BICD1: variants seen among roughly 807,000 people sequenced by gnomAD.
BICD1 encodes the protein protein bicaudal D homolog 1.
BICD1 carries 35 observed loss-of-function variants against 92.5 expected under a neutral mutation model. The observed-to-expected ratio is 0.38, with a 90% CI of 0.29 to 0.50. The LOEUF (loss-of-function observed/expected upper bound fraction) is 0.50, where lower values mean the gene tolerates loss of function less well. BICD1 is among the 20% of genes least tolerant of loss of function. The pLI, the probability that BICD1 is intolerant of heterozygous loss-of-function variation, is 0.93. For synonymous variants in BICD1, 429 were observed against 465.1 expected (o/e 0.92, Z 1.00); for missense variants, 950 against 1,189.8 (o/e 0.80, Z 2.97).
intron 1 of BICD1, among the ~76,000 whole-genome samples, chr12:32,185,864 CA>C (rs1463463947): frequency 6.6e-6 from 1 of 152,216 alleles, no homozygotes; most frequent in Non-Finnish European, 1.5e-5. Context: ...CTCACCACGC[CA>C]TTTCATCTTT....
At chr12:32,154,851 A>G (rs1318051043) in intron 1 of BICD1, among the ~76,000 whole-genome samples, 1 of 152,182 alleles carries the variant, frequency 6.6e-6, no homozygotes, top group Admixed American at 6.5e-5. Flanking sequence ...ATCATACACT[A>G]AATGGTATCT....
chr12:32,246,515 A>G (rs1270118277), intron 2 of BICD1, among the ~76,000 whole-genome samples: 2 of 151,894 alleles, frequency 1.3e-5, no homozygotes, highest in Admixed American at 1.3e-4. Flanking sequence ...CCGTGTGCCT[A>G]TAGTCTCAAC....
intron 3 of BICD1, among the ~76,000 whole-genome samples, chr12:32,304,894 T>A (rs1274652536): frequency 6.6e-6 from 1 of 152,106 alleles, no homozygotes; most frequent in Non-Finnish European, 1.5e-5. Flanking sequence ...CCAGGTATGG[T>A]GGCACATGCC....
Position 32,346,560 on chromosome 12 carries a change from A to ACG in BICD1, c.2764+7581_2764+7582insCG, listed in dbSNP as rs1257647602. Among the ~76,000 whole-genome samples, 22 of 21,158 alleles carry ACG rather than the reference A, an allele frequency of 1.0e-3. 3 individuals carry two copies. Among genetic ancestry groups the ACG allele is most frequent in the Non-Finnish European group, 1.3e-3 (17 of 12,846 alleles). 13.9% of individuals were successfully genotyped at this position (21,158 alleles called of 152,430 possible). ...TGTATATATATATATATATATATAT[A>ACG]TATATATATATATATATATATACGT... On this transcript the variant is annotated intron_variant, in intron 8 of 9. Coordinates refer to ENST00000652176, the MANE Select transcript of BICD1 (RefSeq NM_001714.4).
At chr12:32,249,174 T>TG (rs983358615) in intron 2 of BICD1, among the ~76,000 whole-genome samples, 3 of 151,950 alleles carry the variant, frequency 2.0e-5, no homozygotes, top group Non-Finnish European at 4.4e-5. Context: ...GAACTTCAGG[T>TG]GGGTAGGGTA....
chr12:32,134,703 T>A (rs1465844839), intron 1 of BICD1, among the ~76,000 whole-genome samples: 2 of 152,166 alleles, frequency 1.3e-5, no homozygotes, highest in African/African-American at 2.4e-5. Context: ...AAAGTCTTGA[T>A]AACAGTAGTG....
At chr12:32,278,447 T>G (rs1033264512) in intron 2 of BICD1, among the ~76,000 whole-genome samples, 1 of 152,148 alleles carries the variant, frequency 6.6e-6, no homozygotes, top group Admixed American at 6.5e-5. Context: ...CAGGGTAGAT[T>G]ATAGAAAAGA....
intron 1 of BICD1, among the ~76,000 whole-genome samples, chr12:32,212,213 G>A (rs1241181468): frequency 6.7e-6 from 1 of 148,590 alleles, no homozygotes; most frequent in Admixed American, 6.7e-5. Context: ...GTGTTTTTTT[G>A]TTTTTGTTTT....
chr12:32,225,722 G>A (rs55953521), intron 2 of BICD1, among the ~76,000 whole-genome samples: 12,321 of 144,900 alleles, frequency 0.085, 563 homozygotes, highest in Middle Eastern at 0.13. Flanking sequence ...CCGGGTTCAA[G>A]TGATTTTCCT....
chr12:32,246,578 C>T (rs978801228), intron 2 of BICD1, among the ~76,000 whole-genome samples: 2 of 152,040 alleles, frequency 1.3e-5, no homozygotes, highest in Non-Finnish European at 2.9e-5. Flanking sequence ...GTTGAGGCTG[C>T]AGTGAGCTGT....
chr12:32,155,439 A>G (rs1943410426), intron 1 of BICD1, among the ~76,000 whole-genome samples: 1 of 152,222 alleles, frequency 6.6e-6, no homozygotes, highest in Non-Finnish European at 1.5e-5. Flanking sequence ...AATTTTTAAA[A>G]TCATGATATC....
intron 1 of BICD1, among the ~76,000 whole-genome samples, chr12:32,122,773 G>A (rs10844131): frequency 0.37 from 56,216 of 152,070 alleles, 11,736 homozygotes; most frequent in Middle Eastern, 0.57. Flanking sequence ...AACGAAGAAA[G>A]CTCTAGACCA....
At chr12:32,301,958 C>T (rs1313902538) in intron 3 of BICD1, among the ~76,000 whole-genome samples, 1 of 152,156 alleles carries the variant, frequency 6.6e-6, no homozygotes, top group Non-Finnish European at 1.5e-5. Context: ...GCGATCTCGG[C>T]TCACTGCAAC....
intron 1 of BICD1, among the ~76,000 whole-genome samples, chr12:32,122,551 G>A (rs1009396148): frequency 6.6e-6 from 1 of 151,638 alleles, no homozygotes; most frequent in Non-Finnish European, 1.5e-5. Context: ...GCATTCTCAG[G>A]TCTTCTATCT....
rs150682062 is a variant in BICD1, at chr12:32,322,901, G to C, written c.1006-4560G>C. On this transcript the variant is annotated intron_variant, in intron 4 of 9. Coordinates refer to ENST00000652176, the MANE Select transcript of BICD1 (RefSeq NM_001714.4). ...TGATCCAGAGGCCTTTCCTTTTGAA[G>C]GGCGTTTTGGAAACAGCCTTATCTG... 7.2e-5 allele frequency among the ~76,000 whole-genome samples: 11 copies of C among 152,262 alleles called. No individual in the cohort carries two copies. In the East Asian group the frequency reaches 2.1e-3, roughly 29 times the overall value.
intron 2 of BICD1, among the ~76,000 whole-genome samples, chr12:32,277,076 T>C (rs1005932406): frequency 6.6e-6 from 1 of 152,182 alleles, no homozygotes; most frequent in Non-Finnish European, 1.5e-5. Flanking sequence ...TGTCCAGAAC[T>C]GTTTACCACT....
chr12:32,334,132 T>C (rs1323774229), intron 5 of BICD1, among the ~76,000 whole-genome samples: 1 of 152,228 alleles, frequency 6.6e-6, no homozygotes, highest in African/African-American at 2.4e-5. Flanking sequence ...CTATTGAAGC[T>C]GTGCTTCTTT....
chr12:32,252,088 A>ATAAATATTATATAT (rs1946556736), intron 2 of BICD1, among the ~76,000 whole-genome samples: 1 of 25,580 alleles, frequency 3.9e-5, no homozygotes, highest in African/African-American at 2.6e-4. Flanking sequence ...ATATTTATAA[A>ATAAATATTATATAT]TATATATTTA....
At chr12:32,168,944 A>C (rs1003873652) in intron 1 of BICD1, among the ~76,000 whole-genome samples, 1 of 126,570 alleles carries the variant, frequency 7.9e-6, no homozygotes, top group Non-Finnish European at 1.7e-5. Context: ...CTTGGGCAAC[A>C]AGAGCGAAAC....
Sources: gnomAD v4.1 joint callset for allele counts (sites outside exome capture counted in the v4.1 genomes callset) on GRCh38, gnomAD v4.1.1 for gene constraint, MANE v1.5 for transcripts, NCBI Gene and HGNC (gene_info 2026-07-23, HGNC 2026-07-21) for gene names.